Variants in SGSM1 observed in about 807,000 individuals in gnomAD.
SGSM1 encodes the protein small G protein signaling modulator 1.
In SGSM1, 73 loss-of-function variants were observed where a neutral mutation model predicts 133.8. The observed-to-expected ratio is 0.55, with a 90% CI of 0.45 to 0.66. The LOEUF is 0.66. Among genes scored for constraint, SGSM1 ranks in the 30% least tolerant of loss-of-function variants. The pLI is 0.00. For synonymous variants in SGSM1, 563 were observed against 573.0 expected, an observed-to-expected ratio of 0.98 and a Z score of 0.25; for missense variants, 1,213 against 1,448.1, an observed-to-expected ratio of 0.84 and a Z score of 2.64.
At chr22:24,908,568 C>T (rs554635885) in intron 21 of SGSM1, among the ~76,000 whole-genome samples, 6 of 152,034 alleles carry the variant, frequency 3.9e-5, no homozygotes, top group Admixed American at 6.6e-5. Flanking sequence ...TTTGGGAGGC[C>T]GAGGCGGGCA....
intron 22 of SGSM1, among the ~76,000 whole-genome samples, chr22:24,915,044 C>T (rs1381292566): frequency 1.3e-5 from 2 of 152,022 alleles, no homozygotes; most frequent in Non-Finnish European, 2.9e-5. Flanking sequence ...ATGGCTAACA[C>T]GGTGAAACCC....
chr22:24,872,605 C>T (rs1931819253), intron 12 of SGSM1, among the ~76,000 whole-genome samples: 1 of 152,112 alleles, frequency 6.6e-6, no homozygotes, highest in Non-Finnish European at 1.5e-5. Context: ...TTCTTTTAAC[C>T]TTTTAATGTG....
intron 8 of SGSM1, among the ~76,000 whole-genome samples, chr22:24,857,836 G>A (rs1569150755): frequency 6.6e-6 from 1 of 152,226 alleles, no homozygotes; most frequent in Non-Finnish European, 1.5e-5. Context: ...TTGAGTGGTT[G>A]CAGCTGAGCT....
chr22:24,826,640 A>T (rs1023620985), intron 2 of SGSM1, among the ~76,000 whole-genome samples: 2 of 152,226 alleles, frequency 1.3e-5, no homozygotes, highest in Admixed American at 1.3e-4. Context: ...GGTCAAGTGC[A>T]TGAGTCCTAA....
intron 19 of SGSM1, among the ~76,000 whole-genome samples, chr22:24,900,414 T>TCTTTCTTCTTTCTTTCTTTC (rs1484572431): frequency 1.4e-5 from 2 of 146,160 alleles, no homozygotes; most frequent in African/African-American, 5.2e-5. Context: ...TTTCTGTATT[T>TCTTTCTTCTTTCTTTCTTTC]TTGAGACAGA....
chr22:24,905,296 G>T, intron 21 of SGSM1, 109 bp downstream of exon 21: 1 of 1,042,110 alleles, frequency 9.6e-7, no homozygotes, highest in Non-Finnish European at 1.5e-6. Context: ...CCAGCCAGGT[G>T]CTCTGAAGGC....
Position 24,859,718 on chromosome 22 carries a change from G to A in SGSM1, c.804G>A (p.Arg268=), listed in dbSNP as rs762775704. Residue 268 remains arginine, a splice_region_variant and synonymous_variant, in exon 9 of 25, where the codon AGG becomes AGA. Transcript: ENST00000400358. The stretch of plus-strand genomic sequence containing the variant: ...CCTGAGTCCTCCTCTCTCTGCAGAG[G>A]GACGACATGGAGGCTGTGCCAGGGT... The part of the protein sequence containing the change: ...YGKNNVLVQP[R]DDMEAVPGYL... 1.2e-6 allele frequency: 2 copies of A among 1,613,790 alleles called. No individual in the cohort carries two copies. Among genetic ancestry groups the A allele is most frequent in the Non-Finnish European group, 8.5e-7 (1 of 1,179,868 alleles).
rs1438845412 is a variant in SGSM1, at chr22:24,898,556, C to T, written c.2607C>T (p.Tyr869=). The change falls in exon 19 of 25, where the codon TAC becomes TAT. Residue 869 remains tyrosine, a synonymous_variant. Coordinates refer to ENST00000400358, the MANE Select transcript of SGSM1 (RefSeq NM_001098497.3). ...CTGTGTCTTCCAGCGGCGTCACCTA[C>T]TCTGTAAGTCACCAGGACCCTCCGT... is the stretch of plus-strand genomic sequence containing the variant. ...VSPVSSSGVT[Y]SPELLDLYTV... 6.3e-7 allele frequency: 1 copy of T among 1,597,704 alleles called. No homozygotes were observed. The highest frequency in any genetic ancestry group is 1.7e-5 in the Admixed American group (1 of 58,588).
intron 14 of SGSM1, among the ~76,000 whole-genome samples, chr22:24,881,851 G>A (rs1932350980): frequency 6.6e-6 from 1 of 152,156 alleles, no homozygotes; most frequent in Non-Finnish European, 1.5e-5. Flanking sequence ...AGAGCAAACA[G>A]CACAGGCTGC....
chr22:24,816,577 G>T (rs1928096275), intron 2 of SGSM1, among the ~76,000 whole-genome samples: 1 of 152,000 alleles, frequency 6.6e-6, no homozygotes, highest in Non-Finnish European at 1.5e-5. Context: ...CATCATGCCT[G>T]GCTAATTTTT....
intron 2 of SGSM1, chr22:24,813,757 T>C (rs5996763): frequency 0.18 from 27,421 of 152,196 alleles, 2,661 homozygotes; most frequent in Middle Eastern, 0.26. Context: ...TTCGATGTGG[T>C]GAGGATGGCA....
chr22:24,811,738 G>C (rs1459714040), intron 2 of SGSM1, among the ~76,000 whole-genome samples: 1 of 151,860 alleles, frequency 6.6e-6, no homozygotes, highest in Non-Finnish European at 1.5e-5. Context: ...GCATTGTGGT[G>C]CATGCCTGTA....
At chr22:24,902,184 CT>C (rs1302983511) in intron 20 of SGSM1, among the ~76,000 whole-genome samples, 1 of 152,234 alleles carries the variant, frequency 6.6e-6, no homozygotes, top group African/African-American at 2.4e-5. Context: ...TCATCGCTCA[CT>C]TATTCCTCAA....
intron 12 of SGSM1, chr22:24,874,697 A>T (rs539857169): frequency 7.6e-7 from 1 of 1,312,956 alleles, no homozygotes; most frequent in Admixed American, 2.8e-5. Flanking sequence ...AGGCAGAGGG[A>T]TTGATGCCCT....
intron 16 of SGSM1, among the ~76,000 whole-genome samples, chr22:24,893,059 AAAGG>A (rs1244975386): frequency 1.3e-5 from 2 of 149,928 alleles, no homozygotes; most frequent in Non-Finnish European, 3.0e-5. Flanking sequence ...GTCAAGAAAG[AAAGG>A]AAGGAAGGAA....
intron 2 of SGSM1, among the ~76,000 whole-genome samples, chr22:24,842,443 C>A (rs1027873011): frequency 6.6e-6 from 1 of 151,652 alleles, no homozygotes; most frequent in African/African-American, 2.4e-5. Flanking sequence ...TATTTTTTTT[C>A]AAATAAAATA....
intron 2 of SGSM1, among the ~76,000 whole-genome samples, chr22:24,820,456 T>C (rs1173784596): frequency 6.6e-6 from 1 of 152,182 alleles, no homozygotes; most frequent in East Asian, 1.9e-4. Context: ...TAGCGGTGTT[T>C]GCTTCTCCCA....
At chr22:24,868,684 T>A (rs200117493) in intron 11 of SGSM1, 39 bp from the exon 12 acceptor site, 2 of 1,612,264 alleles carry the variant, frequency 1.2e-6, no homozygotes, top group Non-Finnish European at 1.7e-6. Flanking sequence ...TGGGGACAGA[T>A]GTGTCCCAAG....
intron 22 of SGSM1, among the ~76,000 whole-genome samples, chr22:24,914,132 A>G (rs976771072): frequency 2.6e-5 from 4 of 152,020 alleles, no homozygotes; most frequent in African/African-American, 7.2e-5. Context: ...CTACTAAAAA[A>G]ATACAAAAAA....
Sources: gnomAD v4.1 joint callset for allele counts (sites outside exome capture counted in the v4.1 genomes callset) on GRCh38, gnomAD v4.1.1 for gene constraint, MANE v1.5 for transcripts, NCBI Gene and HGNC (gene_info 2026-07-23, HGNC 2026-07-21) for gene names.